CSPP1: variants seen among roughly 807,000 people sequenced by gnomAD.
CSPP1 encodes centrosome and spindle pole-associated protein 1.
In CSPP1, 126 loss-of-function variants were observed where a neutral mutation model predicts 164.4. The observed-to-expected ratio is 0.77, with a 90% CI of 0.66 to 0.89. The LOEUF is 0.89. Among genes scored for constraint, CSPP1 ranks in the 40% least tolerant of loss-of-function variants. The pLI, the probability that CSPP1 is intolerant of heterozygous loss-of-function variation, is 0.00. For synonymous variants in CSPP1, 472 were observed against 476.7 expected (o/e 0.99, Z 0.13); for missense variants, 1,395 against 1,449.8 (o/e 0.96, Z 0.61).
Position 67,172,415 on chromosome 8 carries a change from G to C in CSPP1, c.2829-1G>C, listed in dbSNP as rs755675231. On this transcript the variant is annotated splice_acceptor_variant, in intron 24 of 30. Transcript: ENST00000678616. LOFTEE classifies it high-confidence loss of function. Reference sequence around the variant, plus strand: ...TATTATGATTTGTCATTTATCTATAGGAAAAAGGAAAGGAATCCCATGGAT... The same window carrying C: ...TATTATGATTTGTCATTTATCTATACGAAAAAGGAAAGGAATCCCATGGAT... 10 of 1,609,732 alleles carry C rather than the reference G, an allele frequency of 6.2e-6. No homozygotes were observed. The highest frequency in any genetic ancestry group is 8.5e-6 in the Non-Finnish European group (10 of 1,177,124).
chr8:67,095,013 C>G (rs1380462023), intron 6 of CSPP1, among the ~76,000 whole-genome samples: 1 of 152,200 alleles, frequency 6.6e-6, no homozygotes, highest in Non-Finnish European at 1.5e-5. Flanking sequence ...ATGGATGATT[C>G]ATTCCGTTTT....
Position 67,190,665 on chromosome 8 carries a change from C to T in CSPP1, c.3236C>T (p.Thr1079Ile), listed in dbSNP as rs1368965128. The T allele has an allele frequency of 5.0e-6, 8 of 1,613,818 alleles. No individual in the cohort carries two copies. Among genetic ancestry groups the T allele is most frequent in the Non-Finnish European group, 6.8e-6 (8 of 1,179,818 alleles). ...GTCCTCTTAGGGGCTTACGGTGAGA[C>T]ATATCCTGCCATTGAAGATGACGTC... is the stretch of plus-strand genomic sequence containing the variant. Reference protein sequence around the residue: ...DSAFIGAYGETYPAIEDDVLP... With the variant: ...DSAFIGAYGEIYPAIEDDVLP... Residue 1079 changes from threonine to isoleucine, a missense_variant, in exon 29 of 31, where the codon ACA becomes ATA. Coordinates refer to ENST00000678616, the MANE Select transcript of CSPP1 (RefSeq NM_001382391.1).
Position 67,074,119 on chromosome 8 carries a change from T to C in CSPP1, c.-10-124T>C. 3 of 594,042 alleles carry C rather than the reference T, an allele frequency of 5.1e-6. No homozygotes were observed. In the South Asian group the frequency reaches 7.5e-5, roughly 15 times the overall value. 36.8% of individuals were successfully genotyped at this position (594,042 alleles called of 1,614,324 possible). A position where few individuals can be genotyped will look rare whatever the true frequency, so the allele number is the denominator to read the frequency against. ...TAGGCAGGCATATTTATGATCAATC[T>C]TAAGTTTGAATTTCTCAATTTGATA... On this transcript the variant is annotated intron_variant, in intron 1 of 30. Transcript: ENST00000678616.
intron 9 of CSPP1, among the ~76,000 whole-genome samples, chr8:67,109,028 A>T (rs1483207842): frequency 6.6e-6 from 1 of 152,212 alleles, no homozygotes; most frequent in East Asian, 1.9e-4. Flanking sequence ...TTTCTAGTGA[A>T]CATTTGAAAA....
chr8:67,131,698 T>C (rs1261606526), intron 15 of CSPP1, among the ~76,000 whole-genome samples: 1 of 152,206 alleles, frequency 6.6e-6, no homozygotes, highest in Non-Finnish European at 1.5e-5. Flanking sequence ...CCACAAACTT[T>C]TTTCACTCCT....
chr8:67,118,662 C>A, intron 14 of CSPP1, 81 bp from the exon 15 acceptor site: 1 of 1,009,848 alleles, frequency 9.9e-7, no homozygotes, highest in South Asian at 1.6e-5. Context: ...GATTATGCAC[C>A]TTTTTCTGGA....
chr8:67,185,420 T>C (rs1232700834), intron 28 of CSPP1, among the ~76,000 whole-genome samples: 1 of 152,196 alleles, frequency 6.6e-6, no homozygotes, highest in Non-Finnish European at 1.5e-5. Flanking sequence ...AAAGGATGAA[T>C]TGCACATTAT....
At chr8:67,087,279 C>CATTTAT in intron 4 of CSPP1, among the ~76,000 whole-genome samples, 1 of 152,226 alleles carries the variant, frequency 6.6e-6, no homozygotes, top group East Asian at 1.9e-4. Context: ...CTATAGATTG[C>CATTTAT]ATTGTCCATT....
Position 67,076,547 on chromosome 8 carries a change from A to C in CSPP1, c.165A>C (p.Ile55=). 1 of 1,602,216 alleles carries C rather than the reference A, an allele frequency of 6.2e-7. No homozygotes were observed. The highest frequency in any genetic ancestry group is 8.5e-7 in the Non-Finnish European group (1 of 1,174,622). Residue 55 remains isoleucine (I), a synonymous_variant, in exon 3 of 31, where the codon ATA becomes ATC. Coordinates refer to ENST00000678616, the MANE Select transcript of CSPP1 (RefSeq NM_001382391.1). ...KILISMAKEN[I]PPNSQQTRGS... ...TGATCTCTATGGCTAAGGAAAACAT[A>C]CCACCAAATAGTCAACAGACCAGGG... is the stretch of plus-strand genomic sequence containing the variant.
rs1439373208 is a variant in CSPP1, at chr8:67,175,488, T to C, written c.3109+52T>C. 4 of 1,600,962 alleles carry C rather than the reference T, an allele frequency of 2.5e-6. No individual in the cohort carries two copies. In the Admixed American group the frequency reaches 6.7e-5, roughly 27 times the overall value. On this transcript the variant is annotated intron_variant, in intron 26 of 30. Transcript: ENST00000678616. ...ATAGTATCAGCACGCTGTTTTTCCG[T>C]AGGCTTTCTGCATCTCTTCTATTGA...
At chr8:67,122,036 T>G (rs1819074726) in intron 15 of CSPP1, among the ~76,000 whole-genome samples, 1 of 150,486 alleles carries the variant, frequency 6.6e-6, no homozygotes. Flanking sequence ...TTATATTTTA[T>G]TATTTATTTA....
chr8:67,132,165 G>A, intron 16 of CSPP1, 85 bp downstream of exon 16: 2 of 1,326,060 alleles, frequency 1.5e-6, no homozygotes, highest in Non-Finnish European at 2.0e-6. Flanking sequence ...GGCCGGGGAG[G>A]GGAAAAAAAA....
chr8:67,158,915 A>G, intron 20 of CSPP1, 76 bp from the exon 21 acceptor site: 1 of 1,218,348 alleles, frequency 8.2e-7, no homozygotes, highest in Non-Finnish European at 1.2e-6. Context: ...ATTTTATCAG[A>G]TAAATAAGGC....
In CSPP1 at chr8:67,159,552, G is replaced by A. The variant is rs1355290361; in HGVS notation, c.2538+415G>A. Among the ~76,000 whole-genome samples the A allele has an allele frequency of 5.5e-5, 6 of 108,680 alleles. 1 individual carries two copies. In the Middle Eastern group the frequency reaches 0.034, roughly 618 times the overall value. 71.3% of individuals were successfully genotyped at this position (108,680 alleles called of 152,430 possible). The stretch of plus-strand genomic sequence containing the variant: ...TTTTTTTTTTTTGAGACATAATCTC[G>A]CTCTGTTGCCCAGGCTCTGGAGTGC... On this transcript the variant is annotated intron_variant, in intron 21 of 30. Transcript: ENST00000678616.
intron 25 of CSPP1, chr8:67,174,371 T>C (rs901049962): frequency 7.9e-5 from 12 of 152,216 alleles, no homozygotes; most frequent in African/African-American, 2.7e-4. Context: ...TAGGATCATT[T>C]CTTTATATTC....
chr8:67,160,115 C>T lies in CSPP1; in HGVS notation c.2538+978C>T, dbSNP rs1368042245. Among the ~76,000 whole-genome samples, 11 of 145,916 alleles carry T rather than the reference C, an allele frequency of 7.5e-5. No homozygotes were observed. In the Admixed American group the frequency reaches 7.8e-4, roughly 10 times the overall value. ...CAGGCTGATCTCAAATTTTTGGGCT[C>T]AAGTTATCCTCCTGCCTCAGCCTCC... is the stretch of plus-strand genomic sequence containing the variant. On this transcript the variant is annotated intron_variant, in intron 21 of 30. Transcript: ENST00000678616.
Position 67,086,005 on chromosome 8 carries a change from A to T in CSPP1, c.200-2A>T. ...TATACTAAGAAGTTGTTTTTTTTCT[A>T]GGAATTGATTATGGATTAAGTTTAC... On this transcript the variant is annotated splice_acceptor_variant, in intron 3 of 30. Transcript: ENST00000678616. LOFTEE classifies it high-confidence loss of function. The T allele has an allele frequency of 8.1e-7, 1 of 1,235,576 alleles. No homozygotes were observed. The highest frequency in any genetic ancestry group is 1.2e-6 in the Non-Finnish European group (1 of 839,144). 76.5% of individuals were successfully genotyped at this position (1,235,576 alleles called of 1,614,324 possible).
At chr8:67,153,731 C>G (rs1321107584) in intron 18 of CSPP1, among the ~76,000 whole-genome samples, 2 of 151,660 alleles carry the variant, frequency 1.3e-5, no homozygotes, top group Admixed American at 6.6e-5. Flanking sequence ...TATTTTAAAG[C>G]CTTTGTTGCA....
At chr8:67,158,952 G>T in intron 20 of CSPP1, 39 bp from the exon 21 acceptor site, 1 of 1,488,972 alleles carries the variant, frequency 6.7e-7, no homozygotes, top group Non-Finnish European at 9.2e-7. Context: ...TACTATAGAA[G>T]GAATATATGG....
Sources: allele counts gnomAD v4.1 joint callset (sites outside exome capture counted in the v4.1 genomes callset), GRCh38; gene constraint gnomAD v4.1.1; transcripts MANE v1.5; gene names NCBI Gene and HGNC (gene_info 2026-07-23, HGNC 2026-07-21).